ENO2: variants seen among roughly 807,000 people sequenced by gnomAD.
ENO2 encodes the protein enolase 2, also known as gamma-enolase.
ENO2 carries 19 observed loss-of-function variants against 48.7 expected under a neutral mutation model. The ratio of observed to expected loss-of-function variants is 0.39; its 90% CI spans 0.27 to 0.57. The LOEUF is 0.57. Among genes scored for constraint, ENO2 ranks in the 20% least tolerant of loss-of-function variants. The pLI is 0.58. For missense variants in ENO2, 416 were observed against 555.0 expected (o/e 0.75, Z 2.52); for synonymous variants, 198 against 213.4 (o/e 0.93, Z 0.63).
intron 8 of ENO2, among the ~76,000 whole-genome samples, chr12:6,920,613 T>G (rs1490086499): frequency 1.3e-5 from 2 of 151,636 alleles, no homozygotes; most frequent in Non-Finnish European, 2.9e-5. Flanking sequence ...TTGGTCAGGC[T>G]GGTCTCCAAC....
chr12:6,915,459 T>C (rs1389309031), intron 1 of ENO2: 1 of 234,260 alleles, frequency 4.3e-6, no homozygotes, highest in Non-Finnish European at 8.7e-6. Context: ...CTGGCAGCCA[T>C]TCCGCTCTGA....
In ENO2 at chr12:6,922,304, A is replaced by G. The variant is rs1434825423; in HGVS notation, c.1177-40A>G. On this transcript the variant is annotated intron_variant, in intron 10 of 11. Transcript: ENST00000229277. The surrounding 1 kb of genome is among the most constrained non-coding windows in gnomAD (Gnocchi z 5.3). ...GCAGAAGTTTCCTTTCAGGGGTGAG[A>G]GGGCAGTCACTGAGCTGCAAATCCT... 6.2e-7 allele frequency: 1 copy of G among 1,613,776 alleles called. No homozygotes were observed. The highest frequency in any genetic ancestry group is 8.5e-7 in the Non-Finnish European group (1 of 1,179,824).
At position 6,921,590 on chromosome 12, in the gene ENO2, T is replaced by C; in HGVS notation, c.875T>C (p.Ile292Thr). The C allele has an allele frequency of 6.2e-7, 1 of 1,614,058 alleles. No homozygotes were observed. Among genetic ancestry groups the C allele is most frequent in the Non-Finnish European group, 8.5e-7 (1 of 1,179,972 alleles). Reference protein sequence around the residue: ...DFVRDYPVVSIEDPFDQDDWA... With the variant: ...DFVRDYPVVSTEDPFDQDDWA... ...CATGCTCTCTCTGCAGTGGTCTCCATTGAGGACCCATTTGACCAGGATGAT... is the reference window on the plus strand; with the variant it reads ...CATGCTCTCTCTGCAGTGGTCTCCACTGAGGACCCATTTGACCAGGATGAT... Residue 292 changes from isoleucine (I) to threonine (T), a missense_variant, in exon 9 of 12, where the codon ATT (isoleucine) becomes ACT (threonine). Transcript: ENST00000229277.
In ENO2 at chr12:6,918,347, G is replaced by A. The variant is rs1216353817; in HGVS notation, c.667+185G>A. Among the ~76,000 whole-genome samples, 4 of 150,708 alleles carry A rather than the reference G, an allele frequency of 2.7e-5. No individual in the cohort carries two copies. In the Middle Eastern group the frequency reaches 0.01, roughly 384 times the overall value. ...CCAAATTCACATGCAGACCTAGGGGGACAGTATTTTTTTTTTTTTTTGAGA... is the reference window on the plus strand; with the variant it reads ...CCAAATTCACATGCAGACCTAGGGGAACAGTATTTTTTTTTTTTTTTGAGA... On this transcript the variant is annotated intron_variant, in intron 7 of 11. Coordinates refer to ENST00000229277, the MANE Select transcript of ENO2 (RefSeq NM_001975.3).
chr12:6,917,802 T>C (rs1945305651), intron 6 of ENO2, 88 bp downstream of exon 6: 3 of 1,592,262 alleles, frequency 1.9e-6, no homozygotes, highest in Non-Finnish European at 2.6e-6. Flanking sequence ...GGAAAGTGAA[T>C]TGAGGGAGGT....
intron 7 of ENO2, 58 bp from the exon 8 acceptor site, chr12:6,919,508 C>T: frequency 1.3e-6 from 2 of 1,589,422 alleles, no homozygotes; most frequent in South Asian, 2.2e-5. Context: ...TTCTTTCCCT[C>T]CTCCTCCTTG....
In ENO2 at chr12:6,917,610, G is replaced by A. The variant is rs781897525; in HGVS notation, c.340G>A (p.Val114Met). 1 of 1,613,644 alleles carries A rather than the reference G, an allele frequency of 6.2e-7. No individual in the cohort carries two copies. The highest frequency in any genetic ancestry group is 8.5e-7 in the Non-Finnish European group (1 of 1,179,744). The part of the protein sequence containing the change: ...SKFGANAILG[V>M]SLAVCKAGAA... ...GTTTGGGGCCAATGCCATCCTGGGT[G>A]TGTCTCTGGCCGTGTGTAAGGCAGG... Residue 114 changes from valine (V) to methionine (M), a missense_variant, in exon 6 of 12, where the codon GTG becomes ATG. Val to Met is a conservative substitution (Grantham distance 21). Coordinates refer to ENST00000229277, the MANE Select transcript of ENO2 (RefSeq NM_001975.3).
rs1591654219 is a variant in ENO2, at chr12:6,921,894, A to G, written c.1067+112A>G. Reference sequence around the variant, plus strand: ...TGCCAAAGAGAGCGGGGAACCTGGAATCATCCTCACAGTTCTCTCACCTCT... The same window carrying G: ...TGCCAAAGAGAGCGGGGAACCTGGAGTCATCCTCACAGTTCTCTCACCTCT... On this transcript the variant is annotated intron_variant, in intron 9 of 11. Transcript: ENST00000229277. 2.3e-5 allele frequency: 34 copies of G among 1,508,966 alleles called. No homozygotes were observed. In the South Asian group the frequency reaches 3.8e-4, roughly 17 times the overall value. 93.5% of individuals were successfully genotyped at this position (1,508,966 alleles called of 1,614,324 possible).
In ENO2 at chr12:6,916,244, ACTT is replaced by A. The variant is rs782149766; in HGVS notation, c.86-169_86-167del. ...CCTCAGATGGGTGGATGAGGAGGCC[ACTT>A]CTTGTGCATCTGCCTCAGTGTGTGT... is the stretch of plus-strand genomic sequence containing the variant. On this transcript the variant is annotated intron_variant, in intron 2 of 11. Coordinates refer to ENST00000229277, the MANE Select transcript of ENO2 (RefSeq NM_001975.3). This position sits in a 1 kb window ranked among gnomAD's most constrained non-coding sequence, Gnocchi z 4.5. Among the ~76,000 whole-genome samples the A allele has an allele frequency of 1.7e-5, 2 of 114,554 alleles. No individual in the cohort carries two copies. Among genetic ancestry groups the A allele is most frequent in the East Asian group, 5.7e-4 (2 of 3,504 alleles). 75.2% of individuals were successfully genotyped at this position (114,554 alleles called of 152,430 possible).
intron 7 of ENO2, 49 bp from the exon 8 acceptor site, chr12:6,919,514 CCTT>C (rs1945321291): frequency 6.3e-7 from 1 of 1,598,340 alleles, no homozygotes; most frequent in Non-Finnish European, 8.6e-7. Flanking sequence ...CCCTCCTCCT[CCTT>C]GCCCATCCCT....
chr12:6,915,916 A>C lies in ENO2; in HGVS notation c.84A>C (p.Lys28Asn). The C allele has an allele frequency of 2.5e-6, 4 of 1,613,782 alleles. No individual in the cohort carries two copies. Among genetic ancestry groups the C allele is most frequent in the Non-Finnish European group, 3.4e-6 (4 of 1,179,844 alleles). ...PTVEVDLYTA[K>N]GLFRAAVPSG... ...TGGAGGTGGATCTCTATACTGCCAA[A>C]GGTAATGGGTGTGGCATGGGCCTTC... Residue 28 changes from lysine to asparagine, a missense_variant and splice_region_variant, in exon 2 of 12, where the codon AAA becomes AAC. By Grantham distance (94) the Lys-to-Asn change is moderately conservative. Transcript: ENST00000229277.
At position 6,921,663 on chromosome 12, in the gene ENO2, G is replaced by T; in HGVS notation, c.948G>T (p.Val316=). 1.2e-6 allele frequency: 2 copies of T among 1,614,136 alleles called. No homozygotes were observed. The highest frequency in any genetic ancestry group is 1.7e-6 in the Non-Finnish European group (2 of 1,180,032). ...KFTANVGIQI[V]GDDLTVTNPK... ...CAGCCAATGTAGGGATCCAGATTGT[G>T]GGTGATGACCTGACAGTGACCAACC... is the stretch of plus-strand genomic sequence containing the variant. The change falls in exon 9 of 12, where the codon GTG becomes GTT. Residue 316 remains valine, a synonymous_variant. Coordinates refer to ENST00000229277, the MANE Select transcript of ENO2 (RefSeq NM_001975.3).
intron 4 of ENO2, 30 bp from the exon 5 acceptor site, chr12:6,917,008 G>C: frequency 6.2e-7 from 1 of 1,613,524 alleles, no homozygotes; most frequent in Non-Finnish European, 8.5e-7. Flanking sequence ...CCTCCAGCCT[G>C]GCCCTGGGTG....
intron 2 of ENO2, 63 bp downstream of exon 2, chr12:6,915,980 C>G: frequency 6.3e-7 from 1 of 1,591,998 alleles, no homozygotes. Flanking sequence ...CTGGGTTCGG[C>G]CAGGGGTTCG....
rs979580672 is a variant in ENO2, at chr12:6,922,205, G to A, written c.1176+41G>A. The A allele has an allele frequency of 6.2e-7, 1 of 1,608,142 alleles. No individual in the cohort carries two copies. The highest frequency in any genetic ancestry group is 8.5e-7 in the Non-Finnish European group (1 of 1,175,686). On this transcript the variant is annotated intron_variant, in intron 10 of 11. Coordinates refer to ENST00000229277, the MANE Select transcript of ENO2 (RefSeq NM_001975.3). This position sits in a 1 kb window ranked among gnomAD's most constrained non-coding sequence, Gnocchi z 5.3. ...TGGTGAGTGAAGAGAACTCTCTGTGGGATTGGTATTTCTAGCTCACCCACC... is the reference window on the plus strand; with the variant it reads ...TGGTGAGTGAAGAGAACTCTCTGTGAGATTGGTATTTCTAGCTCACCCACC...
chr12:6,915,801 C>T lies in ENO2; in HGVS notation c.-12-20C>T. ...TCTAAGCCTCTTATCTTTCTCCTTC[C>T]TTCCCTTCCACCCGAGGAGATCCCA... On this transcript the variant is annotated intron_variant, in intron 1 of 11. Coordinates refer to ENST00000229277, the MANE Select transcript of ENO2 (RefSeq NM_001975.3). The T allele has an allele frequency of 3.7e-6, 6 of 1,604,972 alleles. No homozygotes were observed. Among genetic ancestry groups the T allele is most frequent in the Non-Finnish European group, 5.1e-6 (6 of 1,173,956 alleles).
chr12:6,917,652 C>A lies in ENO2; in HGVS notation c.382C>A (p.Leu128Met), dbSNP rs781969299. 12 of 1,610,108 alleles carry A rather than the reference C, an allele frequency of 7.5e-6. No individual in the cohort carries two copies. The African/African-American group carries it at 1.3e-4, about 18-fold the overall frequency. ...VCKAGAAERELPLYRHIAQLA... is the reference protein window; with the variant it reads ...VCKAGAAEREMPLYRHIAQLA... ...TAAGGCAGGGGCAGCTGAGCGGGAA[C>A]TGCCCCTGTATCGCCACATTGCTCA... Residue 128 changes from leucine to methionine, a missense_variant, in exon 6 of 12, where the codon CTG becomes ATG. Leu to Met is a conservative substitution (Grantham distance 15). Coordinates refer to ENST00000229277, the MANE Select transcript of ENO2 (RefSeq NM_001975.3).
At chr12:6,915,458 A>T (rs1945280563) in intron 1 of ENO2, 1 of 232,652 alleles carries the variant, frequency 4.3e-6, no homozygotes, top group Non-Finnish European at 8.8e-6. Flanking sequence ...CCTGGCAGCC[A>T]TTCCGCTCTG....
chr12:6,922,689 C>T lies in ENO2; in HGVS notation c.1236-42C>T. On this transcript the variant is annotated intron_variant, in intron 11 of 11. Coordinates refer to ENST00000229277, the MANE Select transcript of ENO2 (RefSeq NM_001975.3). This position sits in a 1 kb window ranked among gnomAD's most constrained non-coding sequence, Gnocchi z 5.3. ...CCCCTAGAGAGAGAAGCAGGATCCT[C>T]CTGCATCCCTGACCACTTCCTTTGT... is the stretch of plus-strand genomic sequence containing the variant. The T allele has an allele frequency of 1.9e-6, 3 of 1,611,288 alleles. No individual in the cohort carries two copies. The highest frequency in any genetic ancestry group is 2.2e-5 in the South Asian group (2 of 91,012).
Sources: gnomAD v4.1 joint callset for allele counts (sites outside exome capture counted in the v4.1 genomes callset) on GRCh38, gnomAD v4.1.1 for gene constraint, Gnocchi (gnomAD v3.1) non-coding constraint, MANE v1.5 for transcripts, NCBI Gene and HGNC (gene_info 2026-07-23, HGNC 2026-07-21) for gene names.